ABCB11: variants seen among roughly 807,000 people sequenced by gnomAD.
ABCB11 encodes the protein bile salt export pump.
A neutral mutation model predicts 148.0 loss-of-function variants in ABCB11; 95 were observed. That is an observed-to-expected ratio of 0.64 (90% CI 0.54 to 0.76). The LOEUF is 0.76. Among genes scored for constraint, ABCB11 ranks in the 30% least tolerant of loss-of-function variants. ABCB11 has a pLI of 0.00. For missense variants in ABCB11, 1,523 were observed against 1,617.8 expected, an observed-to-expected ratio of 0.94 and a Z score of 1.01; for synonymous variants, 591 against 555.4, an observed-to-expected ratio of 1.06 and a Z score of -0.90.
At chr2:168,972,750 C>T (rs892895568) in intron 13 of ABCB11, among the ~76,000 whole-genome samples, 1 of 151,952 alleles carries the variant, frequency 6.6e-6, no homozygotes, top group Non-Finnish European at 1.5e-5. Flanking sequence ...AATAGTTAAA[C>T]GATTCCATCT....
chr2:168,950,140 T>TACAC (rs36026125), intron 19 of ABCB11, among the ~76,000 whole-genome samples: 2,915 of 144,012 alleles, frequency 0.02, 45 homozygotes, highest in Non-Finnish European at 0.033. Flanking sequence ...TATATATATA[T>TACAC]ACACACACAC....
intron 21 of ABCB11, among the ~76,000 whole-genome samples, chr2:168,943,704 C>A (rs1490436471): frequency 6.6e-6 from 1 of 151,912 alleles, no homozygotes; most frequent in Non-Finnish European, 1.5e-5. Flanking sequence ...ATTCCATGAT[C>A]CGTTGAAATT....
rs540856948 is a variant in ABCB11, at chr2:168,932,543, G to A, written c.3057-10C>T. The stretch of plus-strand genomic sequence containing the variant: ...AACTGCAGAGATCACCCTGTAACCA[G>A]ACAGACACACAGGAAGAGAGCAGGG... On this transcript the variant is annotated splice_polypyrimidine_tract_variant and intron_variant, in intron 23 of 27. Transcript: ENST00000650372. 9.9e-6 allele frequency: 16 copies of A among 1,612,374 alleles called. No individual in the cohort carries two copies. In the East Asian group the frequency reaches 3.3e-4, roughly 34 times the overall value.
At chr2:168,991,957 C>T (rs960957975) in intron 8 of ABCB11, among the ~76,000 whole-genome samples, 2 of 151,064 alleles carry the variant, frequency 1.3e-5, no homozygotes, top group East Asian at 1.9e-4. Flanking sequence ...CTGGCCTCAG[C>T]CTCCTGGGTA....
At chr2:169,026,434 T>C (rs1573994707) in intron 1 of ABCB11, among the ~76,000 whole-genome samples, 1 of 152,198 alleles carries the variant, frequency 6.6e-6, no homozygotes, top group South Asian at 2.1e-4. Flanking sequence ...GAAACGGCTG[T>C]GATGATTTTT....
Position 168,993,867 on chromosome 2 carries a change from G to A in ABCB11, c.627C>T (p.Ile209=). The change falls in exon 8 of 28, where the codon ATC becomes ATT. Residue 209 remains isoleucine (I), a synonymous_variant. Transcript: ENST00000650372. Reference sequence around the variant, plus strand: ...CCATTTGGTCAGCTATGGCATCATTGATTTTATTAATATCACTAGAAACCA... The same window carrying A: ...CCATTTGGTCAGCTATGGCATCATTAATTTTATTAATATCACTAGAAACCA... ...NTRFSDDINK[I]NDAIADQMAL... is the part of the protein sequence containing the mutation. 1 of 1,607,728 alleles carries A rather than the reference G, an allele frequency of 6.2e-7. No individual in the cohort carries two copies.
At chr2:168,941,267 C>G (rs1251388029) in intron 21 of ABCB11, among the ~76,000 whole-genome samples, 1 of 151,888 alleles carries the variant, frequency 6.6e-6, no homozygotes, top group Non-Finnish European at 1.5e-5. Flanking sequence ...AACATGTACC[C>G]TAGAACTTAC....
In ABCB11 at chr2:168,930,711, C is replaced by T. The variant is rs1016053414; in HGVS notation, c.3365G>A (p.Ser1122Asn). 2.5e-6 allele frequency: 4 copies of T among 1,592,792 alleles called. No individual in the cohort carries two copies. The highest frequency in any genetic ancestry group is 3.4e-6 in the Non-Finnish European group (4 of 1,165,388). The stretch of plus-strand genomic sequence containing the variant: ...ATAGAAACGTTCCAACAGCTGAATG[C>T]TAGTGCTTTTGCCACATCCACTGCT... ...VGSSGCGKST[S>N]IQLLERFYDP... Residue 1122 changes from serine to asparagine, a missense_variant, in exon 25 of 28, where the codon AGC (serine) becomes AAC (asparagine). Transcript: ENST00000650372.
intron 10 of ABCB11, 83 bp downstream of exon 10, chr2:168,986,027 G>A (rs1327513985): frequency 8.5e-6 from 10 of 1,179,844 alleles, no homozygotes; most frequent in Non-Finnish European, 1.1e-5. Context: ...AGGCACCAAA[G>A]TAATAAACAA....
intron 16 of ABCB11, 106 bp downstream of exon 16, chr2:168,969,244 A>G (rs1693460324): frequency 1.9e-6 from 2 of 1,059,152 alleles, no homozygotes; most frequent in South Asian, 3.2e-5. Flanking sequence ...AACGCCTGCC[A>G]GAGTTGTTGG....
chr2:169,005,612 G>T (rs1694995565), intron 5 of ABCB11, among the ~76,000 whole-genome samples: 1 of 152,012 alleles, frequency 6.6e-6, no homozygotes, highest in Admixed American at 6.5e-5. Flanking sequence ...CTGAAAATTT[G>T]CCCCAGACCA....
At chr2:168,989,932 A>C (rs114432550) in intron 9 of ABCB11, among the ~76,000 whole-genome samples, 2,238 of 152,200 alleles carry the variant, frequency 0.015, 27 homozygotes, top group Non-Finnish European at 0.023. Context: ...CCTATGTTGA[A>C]CCATCCTTAC....
chr2:168,967,070 T>G (rs991506222), intron 17 of ABCB11, among the ~76,000 whole-genome samples: 7 of 151,898 alleles, frequency 4.6e-5, no homozygotes, highest in African/African-American at 7.2e-5. Flanking sequence ...ATGTCCACTT[T>G]GCAACCTTTA....
intron 21 of ABCB11, among the ~76,000 whole-genome samples, chr2:168,942,393 T>A (rs866125643): frequency 6.6e-6 from 1 of 151,754 alleles, no homozygotes; most frequent in Middle Eastern, 3.4e-3. Flanking sequence ...TGTATTAAAA[T>A]AATTAACATC....
chr2:168,982,783 CGAGA>C (rs989246756), intron 10 of ABCB11, among the ~76,000 whole-genome samples: 5 of 148,902 alleles, frequency 3.4e-5, no homozygotes, highest in African/African-American at 1.2e-4. Context: ...AGAGAGCGAG[CGAGA>C]GAGAGAGAGA....
At chr2:169,015,760 T>C (rs1695336542) in intron 3 of ABCB11, among the ~76,000 whole-genome samples, 1 of 152,226 alleles carries the variant, frequency 6.6e-6, no homozygotes, top group Admixed American at 6.5e-5. Context: ...TACCATGCTA[T>C]ACATTTGATT....
intron 5 of ABCB11, among the ~76,000 whole-genome samples, chr2:169,007,288 G>A (rs537078132): frequency 6.6e-6 from 1 of 152,268 alleles, no homozygotes; most frequent in East Asian, 1.9e-4. Context: ...TGGAACAACT[G>A]GCTATCCATG....
At chr2:168,965,964 T>C (rs1036413370) in intron 17 of ABCB11, among the ~76,000 whole-genome samples, 1 of 151,844 alleles carries the variant, frequency 6.6e-6, no homozygotes, top group Non-Finnish European at 1.5e-5. Flanking sequence ...GCCCTCCCTC[T>C]TCCTTGCTCT....
rs1446840722 is a variant in ABCB11 at position 169,013,480 on chromosome 2, G to A, written c.181C>T (p.Leu61=). ...GCACACAAACTTCCCACAAACATCA[G>A]CCAAATGTCAGTTGATGAAGAAAAC... ...FRFSSSTDIW[L]MFVGSLCAFL... Residue 61 remains leucine, a synonymous_variant, in exon 5 of 28, where the codon CTG becomes TTG. Transcript: ENST00000650372. The A allele has an allele frequency of 1.8e-5, 29 of 1,613,420 alleles. No individual in the cohort carries two copies. The highest frequency in any genetic ancestry group is 8.9e-5 in the East Asian group (4 of 44,860).
Sources: allele counts gnomAD v4.1 joint callset (sites outside exome capture counted in the v4.1 genomes callset), GRCh38; gene constraint gnomAD v4.1.1; transcripts MANE v1.5; gene names NCBI Gene and HGNC (gene_info 2026-07-23, HGNC 2026-07-21).